The following NPAS3 variants were observed in gnomAD, a reference collection of about 807,000 sequenced individuals.
NPAS3 encodes the protein neuronal PAS domain protein 3, also known as neuronal PAS domain-containing protein 3.
In NPAS3, 14 loss-of-function variants were observed where a neutral mutation model predicts 73.1. The observed-to-expected ratio is 0.19, with a 90% CI of 0.13 to 0.30. NPAS3 has a LOEUF of 0.30. NPAS3 is among the 10% of genes least tolerant of loss of function. The probability of loss-of-function intolerance (pLI) is 1.00; values close to 1 mark genes in which losing one functional copy is unlikely to be tolerated. For synonymous variants in NPAS3, 620 were observed against 541.5 expected (o/e 1.14, Z -2.01); for missense variants, 1,096 against 1,250.0 (o/e 0.88, Z 1.86).
chr14:33,679,010 T>A (rs908014636), intron 6 of NPAS3, among the ~76,000 whole-genome samples: 1 of 152,222 alleles, frequency 6.6e-6, no homozygotes, highest in Non-Finnish European at 1.5e-5. Flanking sequence ...AAAGGTACTC[T>A]ATCAATCATT....
At chr14:33,612,120 C>CCT (rs967167617) in intron 5 of NPAS3, among the ~76,000 whole-genome samples, 3 of 152,016 alleles carry the variant, frequency 2.0e-5, no homozygotes, top group African/African-American at 7.3e-5. Context: ...GTGTGCTGCT[C>CCT]CTCTCTTCTG....
Position 33,284,614 on chromosome 14 carries a change from A to G in NPAS3, c.385+69188A>G, listed in dbSNP as rs2140079669. On this transcript the variant is annotated intron_variant, in intron 3 of 11. Coordinates refer to ENST00000356141, the Ensembl canonical transcript of NPAS3. Reference sequence around the variant, plus strand: ...TGGCAGAAGACAACTCATTACCTTCAAAATGATTTTTTTTCTCCAAATAAT... The same window carrying G: ...TGGCAGAAGACAACTCATTACCTTCGAAATGATTTTTTTTCTCCAAATAAT... Among the ~76,000 whole-genome samples the G allele has an allele frequency of 1.3e-5, 2 of 152,296 alleles. 1 individual carries two copies. Among genetic ancestry groups the G allele is most frequent in the South Asian group, 4.1e-4 (2 of 4,828 alleles).
chr14:33,665,632 A>G, intron 5 of NPAS3, among the ~76,000 whole-genome samples: 1 of 152,208 alleles, frequency 6.6e-6, no homozygotes, highest in East Asian at 1.9e-4. Context: ...CCCCATGAAT[A>G]TATGCATTTA....
At chr14:33,184,642 A>G (rs143767323) in intron 2 of NPAS3, among the ~76,000 whole-genome samples, 1 of 152,256 alleles carries the variant, frequency 6.6e-6, no homozygotes, top group African/African-American at 2.4e-5. Context: ...GGCTGAGAGT[A>G]GGTAGTAGCA....
At chr14:33,001,008 AC>A (rs1214395642) in intron 1 of NPAS3, among the ~76,000 whole-genome samples, 21 of 152,344 alleles carry the variant, frequency 1.4e-4, no homozygotes, top group African/African-American at 5.1e-4. Flanking sequence ...AAGCAGCTAT[AC>A]TAGAGTAGGC....
intron 4 of NPAS3, among the ~76,000 whole-genome samples, chr14:33,460,545 C>T (rs181433612): frequency 3.8e-4 from 58 of 152,296 alleles, no homozygotes; most frequent in South Asian, 2.3e-3. Context: ...TCAACCCTTT[C>T]TGAATTCTAA....
At chr14:33,068,357 A>G (rs749156032) in intron 2 of NPAS3, among the ~76,000 whole-genome samples, 6 of 152,170 alleles carry the variant, frequency 3.9e-5, no homozygotes, top group Non-Finnish European at 5.9e-5. Context: ...CTTGTTAGGC[A>G]CAACACATGC....
chr14:33,458,497 G>C (rs2050118009), intron 4 of NPAS3, among the ~76,000 whole-genome samples: 1 of 152,148 alleles, frequency 6.6e-6, no homozygotes, highest in African/African-American at 2.4e-5. Context: ...AAAGTTTTAT[G>C]AATAAAGGTT....
At chr14:33,460,479 A>C (rs1468247072) in intron 4 of NPAS3, among the ~76,000 whole-genome samples, 1 of 152,202 alleles carries the variant, frequency 6.6e-6, no homozygotes, top group East Asian at 1.9e-4. Context: ...ATGCTTTTGC[A>C]CTTGTGGAAT....
At chr14:33,402,737 T>TC (rs2047498361) in intron 4 of NPAS3, among the ~76,000 whole-genome samples, 1 of 152,172 alleles carries the variant, frequency 6.6e-6, no homozygotes, top group African/African-American at 2.4e-5. Flanking sequence ...AGGTATGCTT[T>TC]CCCTCAATGG....
intron 6 of NPAS3, among the ~76,000 whole-genome samples, chr14:33,714,688 T>C (rs932421077): frequency 6.6e-6 from 1 of 152,212 alleles, no homozygotes; most frequent in Non-Finnish European, 1.5e-5. Flanking sequence ...CCTGGAGTCA[T>C]GAAAAATACC....
In NPAS3 at chr14:33,535,672, T is replaced by G. The variant is rs557088713; in HGVS notation, c.469-24449T>G. Among the ~76,000 whole-genome samples, 23 of 152,316 alleles carry G rather than the reference T, an allele frequency of 1.5e-4. No individual in the cohort carries two copies. In the South Asian group the frequency reaches 1.7e-3, roughly 11 times the overall value. ...CTGGATTATGGATGATTTTTTTATATTTCTATTTTTGCTTATTTGTATTTT... is the reference window on the plus strand; with the variant it reads ...CTGGATTATGGATGATTTTTTTATAGTTCTATTTTTGCTTATTTGTATTTT... On this transcript the variant is annotated intron_variant, in intron 4 of 11. Transcript: ENST00000356141.
intron 1 of NPAS3, among the ~76,000 whole-genome samples, chr14:33,055,675 AC>A (rs1323845931): frequency 6.6e-6 from 1 of 152,094 alleles, no homozygotes; most frequent in African/African-American, 2.4e-5. Flanking sequence ...AAAAAAAAAA[AC>A]AAAACAAAAC....
chr14:33,690,082 G>A (rs1356066024), intron 6 of NPAS3, among the ~76,000 whole-genome samples: 4 of 152,204 alleles, frequency 2.6e-5, no homozygotes, highest in African/African-American at 9.7e-5. Context: ...CACAATGTGG[G>A]TTATGTACCC....
intron 7 of NPAS3, among the ~76,000 whole-genome samples, chr14:33,755,485 C>A (rs927535284): frequency 1.3e-5 from 2 of 152,104 alleles, no homozygotes; most frequent in African/African-American, 4.8e-5. Context: ...ACTACCATGA[C>A]GCCATCCCTG....
upstream of NPAS3, among the ~76,000 whole-genome samples, chr14:32,938,478 A>AAATT (rs1595042832): frequency 9.4e-6 from 1 of 106,714 alleles, no homozygotes; most frequent in African/African-American, 3.7e-5. Context: ...AGAGAGAGAG[A>AAATT]GAGAAATTGA....
intron 3 of NPAS3, among the ~76,000 whole-genome samples, chr14:33,359,441 C>G (rs79624763): frequency 5.3e-5 from 8 of 152,198 alleles, no homozygotes; most frequent in African/African-American, 1.7e-4. Flanking sequence ...TTACCAGCAA[C>G]TGCAACTGAC....
chr14:33,579,590 C>T (rs10134006), intron 5 of NPAS3, among the ~76,000 whole-genome samples: 81,824 of 151,908 alleles, frequency 0.54, 25,379 homozygotes, highest in African/African-American at 0.86. Flanking sequence ...CTATTAGTAA[C>T]GATAGAATTG....
In NPAS3 at chr14:33,126,126, T is replaced by C. The variant is rs138697628; in HGVS notation, c.140+70132T>C. Among the ~76,000 whole-genome samples, 566 of 152,348 alleles carry C rather than the reference T, an allele frequency of 3.7e-3. 7 individuals are homozygous for C. The highest frequency in any genetic ancestry group is 3.2e-3 in the Non-Finnish European group (219 of 68,030). ...TGCTAGTTTTCAAACTGCAGTCCTC[T>C]CTACTGGTGGTGCATTGTTCAGTTT... On this transcript the variant is annotated intron_variant, in intron 2 of 11. Transcript: ENST00000356141.
Sources: gnomAD v4.1 joint callset for allele counts (sites outside exome capture counted in the v4.1 genomes callset) on GRCh38, gnomAD v4.1.1 for gene constraint, MANE v1.5 for transcripts, NCBI Gene and HGNC (gene_info 2026-07-23, HGNC 2026-07-21) for gene names.